RBFOX1: variants seen among roughly 807,000 people sequenced by gnomAD.
RBFOX1 encodes RNA binding fox-1 homolog 1.
A neutral mutation model predicts 57.7 loss-of-function variants in RBFOX1; 8 were observed. The observed-to-expected ratio is 0.14, with a 90% CI of 0.08 to 0.25. The LOEUF (loss-of-function observed/expected upper bound fraction) is 0.25, where lower values mean the gene tolerates loss of function less well. RBFOX1 is among the 10% of genes least tolerant of loss of function. RBFOX1 has a pLI of 1.00. For synonymous variants in RBFOX1, 326 were observed against 222.4 expected (o/e 1.47, Z -4.15); for missense variants, 611 against 548.5 (o/e 1.11, Z -1.14).
At chr16:7,220,958 G>C (rs985761162) in intron 4 of RBFOX1, among the ~76,000 whole-genome samples, 5 of 152,160 alleles carry the variant, frequency 3.3e-5, no homozygotes, top group African/African-American at 1.2e-4. Flanking sequence ...AGACTGATGA[G>C]AAAGGGACAC....
intron 3 of RBFOX1, among the ~76,000 whole-genome samples, chr16:6,949,767 C>A (rs1016912300): frequency 6.6e-6 from 1 of 151,742 alleles, no homozygotes; most frequent in East Asian, 1.9e-4. Flanking sequence ...GGACACAATT[C>A]GGTTCTGGGA....
intron 1 of RBFOX1, among the ~76,000 whole-genome samples, chr16:5,322,481 G>C (rs1039486975): frequency 1.3e-5 from 2 of 152,148 alleles, no homozygotes; most frequent in Non-Finnish European, 2.9e-5. Context: ...GTGGCTGCCA[G>C]TTTCTCATGA....
intron 3 of RBFOX1, among the ~76,000 whole-genome samples, chr16:5,750,401 C>G (rs966604430): frequency 6.6e-6 from 1 of 152,196 alleles, no homozygotes; most frequent in Non-Finnish European, 1.5e-5. Context: ...AGCTGTCAGA[C>G]AGGGACATTT....
intron 3 of RBFOX1, among the ~76,000 whole-genome samples, chr16:6,800,499 A>C (rs2085147878): frequency 6.6e-6 from 1 of 152,014 alleles, no homozygotes; most frequent in Non-Finnish European, 1.5e-5. Flanking sequence ...CTGCATTTCT[A>C]ATAGGCTTCC....
intron 4 of RBFOX1, among the ~76,000 whole-genome samples, chr16:7,366,033 G>C (rs1488170916): frequency 1.3e-5 from 2 of 152,190 alleles, no homozygotes; most frequent in African/African-American, 4.8e-5. Flanking sequence ...AACTCCCAGG[G>C]AAGGTTTTGA....
chr16:7,436,367 T>G (rs773615459), intron 4 of RBFOX1, among the ~76,000 whole-genome samples: 1 of 152,220 alleles, frequency 6.6e-6, no homozygotes, highest in Non-Finnish European at 1.5e-5. Context: ...TTTGAACACA[T>G]ATAGTGCGTG....
At chr16:5,865,977 A>AT (rs981891752) in intron 3 of RBFOX1, among the ~76,000 whole-genome samples, 1 of 151,834 alleles carries the variant, frequency 6.6e-6, no homozygotes, top group African/African-American at 2.4e-5. Flanking sequence ...TTTATGTTTC[A>AT]TTTTTTTAAG....
At chr16:5,282,582 A>G (rs2063298724) in intron 1 of RBFOX1, among the ~76,000 whole-genome samples, 1 of 147,792 alleles carries the variant, frequency 6.8e-6, no homozygotes, top group Non-Finnish European at 1.5e-5. Context: ...ACTGGCACAA[A>G]GGTGACTCCT....
chr16:5,945,563 G>A (rs1325786097), intron 4 of RBFOX1, among the ~76,000 whole-genome samples: 1 of 152,166 alleles, frequency 6.6e-6, no homozygotes, highest in African/African-American at 2.4e-5. Flanking sequence ...TTGTTATGAT[G>A]TCATCTTTAC....
upstream of RBFOX1, among the ~76,000 whole-genome samples, chr16:6,017,811 AC>A (rs2095005450): frequency 6.6e-6 from 1 of 152,242 alleles, no homozygotes; most frequent in Non-Finnish European, 1.5e-5. Context: ...GCTAGGAAAT[AC>A]ACGTACATCT....
chr16:5,640,980 A>T (rs995834175), intron 3 of RBFOX1, among the ~76,000 whole-genome samples: 24 of 151,608 alleles, frequency 1.6e-4, no homozygotes, highest in Non-Finnish European at 3.1e-4. Context: ...ACACACATAC[A>T]TGCATATCAT....
intron 1 of RBFOX1, among the ~76,000 whole-genome samples, chr16:5,295,512 G>C (rs1282578725): frequency 1.3e-5 from 2 of 152,126 alleles, no homozygotes; most frequent in Non-Finnish European, 2.9e-5. Flanking sequence ...AGGCTTGACG[G>C]GTGATTGATC....
At chr16:6,789,779 T>C (rs1185607904) in intron 3 of RBFOX1, among the ~76,000 whole-genome samples, 3 of 151,912 alleles carry the variant, frequency 2.0e-5, no homozygotes, top group African/African-American at 7.2e-5. Context: ...AAAAATCTTC[T>C]GTTTGAATGG....
chr16:7,167,560 T>G (rs1291357170), intron 4 of RBFOX1, among the ~76,000 whole-genome samples: 1 of 152,148 alleles, frequency 6.6e-6, no homozygotes, highest in Non-Finnish European at 1.5e-5. Flanking sequence ...ACCCCGCCAG[T>G]ACCTTGCTTT....
intron 1 of RBFOX1, among the ~76,000 whole-genome samples, chr16:6,233,305 G>T (rs1428283363): frequency 2.0e-5 from 3 of 152,062 alleles, no homozygotes; most frequent in Non-Finnish European, 4.4e-5. Context: ...TGATTGCAGG[G>T]TGAGGTTTCT....
At chr16:7,262,261 C>T (rs919123110) in intron 4 of RBFOX1, among the ~76,000 whole-genome samples, 3 of 151,568 alleles carry the variant, frequency 2.0e-5, no homozygotes, top group South Asian at 4.1e-4. Flanking sequence ...TTTATGGTTG[C>T]TGTTGTTAAA....
At chr16:6,490,872 A>G (rs1042545771) in intron 2 of RBFOX1, among the ~76,000 whole-genome samples, 1 of 152,170 alleles carries the variant, frequency 6.6e-6, no homozygotes, top group Non-Finnish European at 1.5e-5. Context: ...CAAAAGACTG[A>G]TGTTGGATCC....
intron 3 of RBFOX1, among the ~76,000 whole-genome samples, chr16:6,860,415 C>G (rs2058782481): frequency 2.6e-5 from 4 of 152,208 alleles, no homozygotes; most frequent in Admixed American, 1.3e-4. Context: ...TTACAAAACA[C>G]TACACGTTGG....
intron 1 of RBFOX1, among the ~76,000 whole-genome samples, chr16:5,450,760 G>T (rs2068399338): frequency 6.6e-6 from 1 of 152,216 alleles, no homozygotes; most frequent in Admixed American, 6.5e-5. Flanking sequence ...AGGAGTTGCT[G>T]CAGGCCCCCT....
Sources: gnomAD v4.1 joint callset for allele counts (sites outside exome capture counted in the v4.1 genomes callset) on GRCh38, gnomAD v4.1.1 for gene constraint, MANE v1.5 for transcripts, NCBI Gene and HGNC (gene_info 2026-07-23, HGNC 2026-07-21) for gene names.